ZFHX3: variants seen among roughly 807,000 people sequenced by gnomAD.
ZFHX3 encodes the protein zinc finger homeobox protein 3.
In ZFHX3, 42 loss-of-function variants were observed where a neutral mutation model predicts 279.1. The observed-to-expected ratio is 0.15, with a 90% CI of 0.12 to 0.19. The LOEUF (loss-of-function observed/expected upper bound fraction) is 0.19, where lower values mean the gene tolerates loss of function less well. Ranked by LOEUF, ZFHX3 falls within the 10% of genes least tolerant of loss-of-function variation. The pLI, the probability that ZFHX3 is intolerant of heterozygous loss-of-function variation, is 1.00. For missense variants in ZFHX3, 4,981 were observed against 4,754.0 expected, an observed-to-expected ratio of 1.05 and a Z score of -1.40; for synonymous variants, 2,293 against 1,957.8, an observed-to-expected ratio of 1.17 and a Z score of -4.52.
chr16:73,760,524 A>G (rs919819305), intron 1 of ZFHX3, among the ~76,000 whole-genome samples: 4 of 152,032 alleles, frequency 2.6e-5, no homozygotes, highest in African/African-American at 9.7e-5. Context: ...CCAAAACCTG[A>G]CAAAAAAAGA....
intron 4 of ZFHX3, among the ~76,000 whole-genome samples, chr16:72,847,766 C>T (rs1342447125): frequency 6.6e-6 from 1 of 151,894 alleles, no homozygotes; most frequent in Non-Finnish European, 1.5e-5. Context: ...GGAGAGTAAG[C>T]GATGGGCGAA....
chr16:73,533,447 C>A (rs1052297014), intron 2 of ZFHX3, among the ~76,000 whole-genome samples: 2 of 150,232 alleles, frequency 1.3e-5, no homozygotes, highest in Non-Finnish European at 3.0e-5. Flanking sequence ...TTCTCCCTTC[C>A]TCTCTTGCAT....
intron 3 of ZFHX3, among the ~76,000 whole-genome samples, chr16:73,372,577 AGTT>A (rs1019469672): frequency 5.3e-5 from 8 of 152,338 alleles, no homozygotes; most frequent in South Asian, 2.1e-4. Flanking sequence ...CCTGTAATGA[AGTT>A]GTTGTTTAAT....
intron 3 of ZFHX3, among the ~76,000 whole-genome samples, chr16:73,330,113 T>C (rs930309297): frequency 3.3e-5 from 5 of 151,620 alleles, no homozygotes; most frequent in Non-Finnish European, 5.9e-5. Context: ...AGAGTCAGTA[T>C]GAGCAGGCGC....
intron 1 of ZFHX3, among the ~76,000 whole-genome samples, chr16:73,003,512 A>ACCCCCC (rs142323888): frequency 1.3e-4 from 16 of 120,702 alleles, no homozygotes; most frequent in South Asian, 8.4e-4. Flanking sequence ...ACATGGTGAG[A>ACCCCCC]CCCCCCCCTC....
chr16:73,438,111 A>G (rs1406342250), intron 3 of ZFHX3, among the ~76,000 whole-genome samples: 2 of 152,114 alleles, frequency 1.3e-5, no homozygotes, highest in Non-Finnish European at 2.9e-5. Flanking sequence ...TGGGTCCATC[A>G]ATTTTATGTC....
intron 5 of ZFHX3, among the ~76,000 whole-genome samples, chr16:73,158,045 T>G (rs1269851774): frequency 6.6e-6 from 1 of 152,112 alleles, no homozygotes; most frequent in Non-Finnish European, 1.5e-5. Flanking sequence ...GAGGGTCACA[T>G]TTTTGGAGGA....
chr16:73,852,074 A>G (rs1051139808), intron 1 of ZFHX3, among the ~76,000 whole-genome samples: 1 of 152,218 alleles, frequency 6.6e-6, no homozygotes, highest in African/African-American at 2.4e-5. Flanking sequence ...TAATTATCTG[A>G]GACTATAACC....
chr16:72,878,014 G>T (rs1229072573), intron 4 of ZFHX3, among the ~76,000 whole-genome samples: 2 of 151,990 alleles, frequency 1.3e-5, no homozygotes, highest in Non-Finnish European at 2.9e-5. Flanking sequence ...TGACAACATA[G>T]TGAGACCCTG....
intron 3 of ZFHX3, among the ~76,000 whole-genome samples, chr16:73,331,959 C>G (rs1278865439): frequency 1.3e-5 from 2 of 152,118 alleles, no homozygotes. Flanking sequence ...ATACCACACA[C>G]CCAAAGAAAA....
Position 73,855,216 on chromosome 16 carries a change from C to CTTTTT in ZFHX3, c.-1608+36430_-1608+36434dup, listed in dbSNP as rs1032892286. The stretch of plus-strand genomic sequence containing the variant: ...TTGTTTGCATTAATAAGGCGTTAGC[C>CTTTTT]TTTTTTTTTTTTTTTTTTTTTTTGT... On this transcript the variant is annotated intron_variant, in intron 1 of 17. Transcript: ENST00000641206. 6.5e-4 allele frequency among the ~76,000 whole-genome samples: 72 copies of CTTTTT among 111,492 alleles called. 2 individuals carry two copies. The highest frequency in any genetic ancestry group is 1.7e-3 in the African/African-American group (49 of 28,116). The allele number at this position is 111,492 out of a possible 152,430, so 73.1% of individuals were successfully genotyped here.
intron 1 of ZFHX3, among the ~76,000 whole-genome samples, chr16:73,750,883 C>T (rs796927301): frequency 4.3e-4 from 65 of 152,102 alleles, no homozygotes; most frequent in Non-Finnish European, 6.5e-4. Flanking sequence ...AAAGCACAGG[C>T]GATAAAATGA....
chr16:73,158,166 G>T (rs1394448350), intron 5 of ZFHX3, among the ~76,000 whole-genome samples: 1 of 152,194 alleles, frequency 6.6e-6, no homozygotes, highest in African/African-American at 2.4e-5. Flanking sequence ...TTCCCAGGCT[G>T]GGACAGCAGC....
chr16:72,799,700 G>T (rs1299656528), intron 8 of ZFHX3, among the ~76,000 whole-genome samples: 1 of 152,190 alleles, frequency 6.6e-6, no homozygotes, highest in Non-Finnish European at 1.5e-5. Context: ...CAGAAATACA[G>T]TGTTTAATGG....
At chr16:73,880,092 C>A (rs1180564204) in intron 1 of ZFHX3, among the ~76,000 whole-genome samples, 1 of 152,132 alleles carries the variant, frequency 6.6e-6, no homozygotes, top group Non-Finnish European at 1.5e-5. Flanking sequence ...CGTTCCATTA[C>A]TTCAGGGCTG....
rs202201864 is a variant in ZFHX3, at chr16:73,881,487, C to CA, written c.-1608+10163_-1608+10164insT. Among the ~76,000 whole-genome samples the CA allele has an allele frequency of 0.011, 939 of 83,742 alleles. 225 individuals carry two copies. The East Asian group carries it at 0.27, about 24-fold the overall frequency. 54.9% of individuals were successfully genotyped at this position (83,742 alleles called of 152,430 possible). ...CTCTCTCTCTCTCTCTCTGCCCCCC[C>CA]CCCCCACTCTGCCCATGGTTACTGC... is the stretch of plus-strand genomic sequence containing the variant. On this transcript the variant is annotated intron_variant, in intron 1 of 17. Transcript: ENST00000641206.
chr16:73,713,628 CT>C (rs113612111), intron 1 of ZFHX3, among the ~76,000 whole-genome samples: 5,539 of 146,424 alleles, frequency 0.038, 112 homozygotes, highest in African/African-American at 0.065. Flanking sequence ...AAGATATTAG[CT>C]TTTTTTTTTT....
intron 5 of ZFHX3, among the ~76,000 whole-genome samples, chr16:72,818,567 T>TA (rs1448980039): frequency 6.6e-6 from 1 of 152,152 alleles, no homozygotes; most frequent in Non-Finnish European, 1.5e-5. Flanking sequence ...ACCAAGCACT[T>TA]AGAGATGTTT....
chr16:73,299,298 A>T (rs77357797), intron 4 of ZFHX3, among the ~76,000 whole-genome samples: 1,592 of 152,298 alleles, frequency 0.01, 26 homozygotes, highest in African/African-American at 0.037. Context: ...TTTTCCAGGG[A>T]CATTTTGCTT....
Sources: gnomAD v4.1 joint callset for allele counts (sites outside exome capture counted in the v4.1 genomes callset) on GRCh38, gnomAD v4.1.1 for gene constraint, MANE v1.5 for transcripts, NCBI Gene and HGNC (gene_info 2026-07-23, HGNC 2026-07-21) for gene names.